Variants in ITGA9 observed in about 807,000 individuals in gnomAD.
ITGA9 encodes integrin alpha-9.
Under a neutral mutation model 127.8 loss-of-function variants are expected in ITGA9, and 56 were observed. That is an observed-to-expected ratio of 0.44 (90% confidence interval 0.35 to 0.55). The LOEUF is 0.55. Ranked by LOEUF, ITGA9 falls within the 20% of genes least tolerant of loss-of-function variation. ITGA9 has a pLI of 0.00. For synonymous variants in ITGA9, 508 were observed against 514.5 expected (o/e 0.99, Z 0.17); for missense variants, 1,196 against 1,347.1 (o/e 0.89, Z 1.76).
intron 4 of ITGA9, among the ~76,000 whole-genome samples, chr3:37,490,698 G>A (rs1698660718): frequency 6.6e-6 from 1 of 151,628 alleles, no homozygotes. Flanking sequence ...GTTGCGGATT[G>A]TGAACATTTG....
intron 15 of ITGA9, among the ~76,000 whole-genome samples, chr3:37,551,573 G>T (rs1699378503): frequency 6.6e-6 from 1 of 152,176 alleles, no homozygotes. Context: ...TATCAAGGTG[G>T]CCCAAATTGT....
At position 37,471,037 on chromosome 3, in the gene ITGA9, C is replaced by A. The variant is rs770653877; in HGVS notation, c.216C>A (p.Ser72=). The change falls in exon 2 of 28, where the codon TCC becomes TCA. Residue 72 remains serine (S), a synonymous_variant. Coordinates refer to ENST00000264741, the MANE Select transcript of ITGA9 (RefSeq NM_002207.3). ...WVLVGAPKAD[S]KYSPSVKSPG... ...TTGTGGGCGCACCAAAGGCAGATTC[C>A]AAATACAGCCCTTCAGTGAAGTCTC... The A allele has an allele frequency of 2.5e-6, 4 of 1,613,984 alleles. No homozygotes were observed. In the African/African-American group the frequency reaches 5.3e-5, roughly 22 times the overall value.
In ITGA9 at chr3:37,471,133, A is replaced by T; in HGVS notation, c.312A>T (p.Arg104=). ...GATGCACCGAACTGGACATGGCTCG[A>T]GGTGGGTGACCATTACTGCTGTGGT... The part of the protein sequence containing the change: ...DRRCTELDMA[R]GKNRGTSCGK... Residue 104 remains arginine, a splice_region_variant and synonymous_variant, in exon 2 of 28, where the codon CGA becomes CGT. Transcript: ENST00000264741. 1 of 1,613,902 alleles carries T rather than the reference A, an allele frequency of 6.2e-7. No individual in the cohort carries two copies. The highest frequency in any genetic ancestry group is 8.5e-7 in the Non-Finnish European group (1 of 1,179,936).
chr3:37,819,209 A>C lies in ITGA9; in HGVS notation c.*220A>C, dbSNP rs908789623. On this transcript the variant is annotated 3_prime_UTR_variant, in exon 28 of 28. Coordinates refer to ENST00000264741, the MANE Select transcript of ITGA9 (RefSeq NM_002207.3). ...CACTTCCTTTAAAGATGAACTCTGA[A>C]CTTTGGAGAGTGAGCTACAGAGCCG... 2 of 595,662 alleles carry C rather than the reference A, an allele frequency of 3.4e-6. No individual in the cohort carries two copies. The highest frequency in any genetic ancestry group is 2.9e-5 in the Admixed American group (1 of 34,294). The allele number at this position is 595,662 out of a possible 1,614,324, so 36.9% of individuals were successfully genotyped here. A position where few individuals can be genotyped will look rare whatever the true frequency, so the allele number is the denominator to read the frequency against.
intron 15 of ITGA9, among the ~76,000 whole-genome samples, chr3:37,605,610 T>C (rs1170353239): frequency 6.6e-6 from 1 of 152,198 alleles, no homozygotes; most frequent in Non-Finnish European, 1.5e-5. Context: ...TCATGTGGTT[T>C]CTAGGACAAA....
chr3:37,613,858 A>G (rs1212086702), intron 15 of ITGA9, among the ~76,000 whole-genome samples: 2 of 152,096 alleles, frequency 1.3e-5, no homozygotes, highest in Non-Finnish European at 2.9e-5. Context: ...TAGATTCTGG[A>G]TATTAGCCCT....
intron 8 of ITGA9, among the ~76,000 whole-genome samples, chr3:37,511,036 C>G (rs1481702696): frequency 6.6e-6 from 1 of 152,162 alleles, no homozygotes; most frequent in Middle Eastern, 3.2e-3. Flanking sequence ...TCAAAGGATG[C>G]CTTTAGATTT....
At chr3:37,718,933 T>C (rs1701161956) in intron 18 of ITGA9, among the ~76,000 whole-genome samples, 1 of 152,194 alleles carries the variant, frequency 6.6e-6, no homozygotes, top group Non-Finnish European at 1.5e-5. Context: ...CCAGGTCTTC[T>C]ATGCAGTGAT....
intron 17 of ITGA9, among the ~76,000 whole-genome samples, chr3:37,665,148 T>C: frequency 6.6e-6 from 1 of 150,878 alleles, no homozygotes; most frequent in South Asian, 2.1e-4. Context: ...AATTTTTGTA[T>C]TTTTTTAGTA....
Position 37,750,460 on chromosome 3 carries a change from AG to A in ITGA9, c.2434del, listed in dbSNP as rs1177364749. 10 of 1,575,516 alleles carry A rather than the reference AG, an allele frequency of 6.3e-6. No individual in the cohort carries two copies. Among genetic ancestry groups the A allele is most frequent in the Non-Finnish European group, 8.7e-6 (10 of 1,144,754 alleles). On this transcript the variant is annotated splice_acceptor_variant, in intron 22 of 27. Transcript: ENST00000264741. LOFTEE classifies it high-confidence loss of function. ...CTTGCTGTGTGTGTTCCACACCCAC[AG>A]GTCTACAACACTGGCCCAAGCACCC... is the stretch of plus-strand genomic sequence containing the variant.
At chr3:37,478,769 C>G (rs946453222) in intron 3 of ITGA9, among the ~76,000 whole-genome samples, 3 of 152,208 alleles carry the variant, frequency 2.0e-5, no homozygotes, top group Non-Finnish European at 4.4e-5. Flanking sequence ...TTCAGAGACA[C>G]TTTGCATTGT....
intron 20 of ITGA9, among the ~76,000 whole-genome samples, chr3:37,740,940 G>A (rs1402342268): frequency 1.3e-5 from 2 of 152,200 alleles, no homozygotes; most frequent in Admixed American, 1.3e-4. Context: ...CTTCCATGAT[G>A]TTTATAGTGG....
At chr3:37,609,628 A>G (rs998295001) in intron 15 of ITGA9, among the ~76,000 whole-genome samples, 10 of 152,202 alleles carry the variant, frequency 6.6e-5, no homozygotes, top group Admixed American at 5.9e-4. Flanking sequence ...TTAATGATGT[A>G]AAACAACAGC....
At chr3:37,768,283 T>C (rs997230688) in intron 23 of ITGA9, among the ~76,000 whole-genome samples, 1 of 152,226 alleles carries the variant, frequency 6.6e-6, no homozygotes, top group Non-Finnish European at 1.5e-5. Context: ...ATCTTATTTA[T>C]CTTTCTAGAA....
intron 23 of ITGA9, among the ~76,000 whole-genome samples, chr3:37,762,355 T>C (rs1447419277): frequency 6.6e-6 from 1 of 152,236 alleles, no homozygotes; most frequent in Non-Finnish European, 1.5e-5. Context: ...CAGAAGCTTA[T>C]ATACCATCTT....
chr3:37,704,962 C>T (rs1700988133), intron 18 of ITGA9, among the ~76,000 whole-genome samples: 2 of 152,164 alleles, frequency 1.3e-5, no homozygotes, highest in African/African-American at 4.8e-5. Context: ...CAGGAAGCCC[C>T]TTGTTTGCAT....
chr3:37,711,063 G>A lies in ITGA9; in HGVS notation c.2068-21649G>A, dbSNP rs554061175. Reference sequence around the variant, plus strand: ...GACTGCAGTCAGGATGTTGGCTGGGGATGCAGTTGTCTGAAGGCTCCACTG... The same window carrying A: ...GACTGCAGTCAGGATGTTGGCTGGGAATGCAGTTGTCTGAAGGCTCCACTG... On this transcript the variant is annotated intron_variant, in intron 18 of 27. Coordinates refer to ENST00000264741, the MANE Select transcript of ITGA9 (RefSeq NM_002207.3). 5.3e-5 allele frequency among the ~76,000 whole-genome samples: 8 copies of A among 152,342 alleles called. No individual in the cohort carries two copies. In the South Asian group the frequency reaches 1.7e-3, roughly 32 times the overall value.
In ITGA9 at chr3:37,452,700, C is replaced by A; in HGVS notation, c.185+141C>A. ...TTAAATGTCTCCGTTGCGCGCGGCT[C>A]GGCCGCCGGGGGACGGCGGGAGAAG... On this transcript the variant is annotated intron_variant, in intron 1 of 27. Coordinates refer to ENST00000264741, the MANE Select transcript of ITGA9 (RefSeq NM_002207.3). This position sits in a 1 kb window ranked among gnomAD's most constrained non-coding sequence, Gnocchi z 7.3. 1.3e-6 allele frequency: 1 copy of A among 750,366 alleles called. No homozygotes were observed. The highest frequency in any genetic ancestry group is 2.6e-5 in the South Asian group (1 of 38,846). The allele number at this position is 750,366 out of a possible 1,614,324, so 46.5% of individuals were successfully genotyped here. A position where few individuals can be genotyped will look rare whatever the true frequency, so the allele number is the denominator to read the frequency against.
intron 5 of ITGA9, among the ~76,000 whole-genome samples, chr3:37,496,794 GA>G (rs1698735206): frequency 2.0e-5 from 3 of 152,122 alleles, no homozygotes; most frequent in Admixed American, 1.3e-4. Context: ...GGACATGCCG[GA>G]CTCCCACTGG....
Sources: allele counts gnomAD v4.1 joint callset (sites outside exome capture counted in the v4.1 genomes callset), GRCh38; gene constraint gnomAD v4.1.1; non-coding constraint Gnocchi (gnomAD v3.1); transcripts MANE v1.5; gene names NCBI Gene and HGNC (gene_info 2026-07-23, HGNC 2026-07-21).